RGS17: variants seen among roughly 807,000 people sequenced by gnomAD.
The protein encoded by RGS17 is regulator of G protein signaling 17, also known as regulator of G-protein signaling 17.
RGS17 carries 12 observed loss-of-function variants against 25.5 expected under a neutral mutation model. The ratio of observed to expected loss-of-function variants is 0.47; its 90% confidence interval spans 0.30 to 0.76. RGS17 has a LOEUF of 0.76. RGS17 is among the 30% of genes least tolerant of loss of function. The probability of loss-of-function intolerance (pLI) is 0.07; values close to 1 mark genes in which losing one functional copy is unlikely to be tolerated. For synonymous variants in RGS17, 71 were observed against 76.9 expected (o/e 0.92, Z 0.40); for missense variants, 196 against 242.2 (o/e 0.81, Z 1.27).
intron 1 of RGS17, among the ~76,000 whole-genome samples, chr6:153,098,085 T>G (rs1206612326): frequency 6.6e-6 from 1 of 152,180 alleles, no homozygotes; most frequent in African/African-American, 2.4e-5. Flanking sequence ...GTCAGGTTTC[T>G]TAGATCGAGA....
At chr6:153,122,493 A>T (rs1001531404) in intron 1 of RGS17, among the ~76,000 whole-genome samples, 2 of 152,168 alleles carry the variant, frequency 1.3e-5, no homozygotes, top group Non-Finnish European at 2.9e-5. Context: ...AATTGAAGTT[A>T]CTGGACTTGA....
chr6:153,086,267 T>C (rs769218136), intron 1 of RGS17, among the ~76,000 whole-genome samples: 15 of 152,198 alleles, frequency 9.9e-5, no homozygotes, highest in Non-Finnish European at 2.1e-4. Flanking sequence ...TTTGATGTAG[T>C]GGTTTTAGAA....
At chr6:153,035,132 T>G (rs10872694) in intron 2 of RGS17, among the ~76,000 whole-genome samples, 31,689 of 144,530 alleles carry the variant, frequency 0.22, 3,689 homozygotes, top group Non-Finnish European at 0.27. Flanking sequence ...GCAGCCTGGG[T>G]GACAGAGCAA....
chr6:153,008,887 G>A lies in RGS17; in HGVS notation c.*2687C>T, dbSNP rs1032780190. The stretch of plus-strand genomic sequence containing the variant: ...GAATTATATCATACTTAGAAAATTA[G>A]TAGAGTTGCAAATATACAGACATAC... On this transcript the variant is annotated 3_prime_UTR_variant, in exon 5 of 5. Coordinates refer to ENST00000206262, the MANE Select transcript of RGS17 (RefSeq NM_012419.5). The A allele has an allele frequency of 2.6e-5, 4 of 152,086 alleles. No homozygotes were observed. The highest frequency in any genetic ancestry group is 2.0e-4 in the Admixed American group (3 of 15,254). 9.4% of individuals were successfully genotyped at this position (152,086 alleles called of 1,614,324 possible).
intron 1 of RGS17, among the ~76,000 whole-genome samples, chr6:153,126,288 A>G (rs1777701875): frequency 6.6e-6 from 1 of 152,130 alleles, no homozygotes; most frequent in Admixed American, 6.5e-5. Flanking sequence ...CTATCTGGGA[A>G]CTCTTCAGAC....
At chr6:153,014,797 CAAA>C (rs34132794) in intron 4 of RGS17, among the ~76,000 whole-genome samples, 9 of 97,148 alleles carry the variant, frequency 9.3e-5, no homozygotes, top group Non-Finnish European at 1.1e-4. Context: ...GACTCCGTCT[CAAA>C]AAAAAAAAAA....
At chr6:153,015,911 C>T (rs1275625971) in intron 4 of RGS17, among the ~76,000 whole-genome samples, 2 of 152,134 alleles carry the variant, frequency 1.3e-5, no homozygotes, top group East Asian at 3.9e-4. Flanking sequence ...CCTCGGCCTC[C>T]CAAAGTGCTG....
rs185640840 is a variant in RGS17, at chr6:153,021,832, T to C, written c.444+2430A>G. On this transcript the variant is annotated intron_variant, in intron 4 of 4. Coordinates refer to ENST00000206262, the MANE Select transcript of RGS17 (RefSeq NM_012419.5). Reference sequence around the variant, plus strand: ...TTACGACACTAAACATTAGTGTATGTCATTCTGGAAAGGTCATGTTCTTGA... The same window carrying C: ...TTACGACACTAAACATTAGTGTATGCCATTCTGGAAAGGTCATGTTCTTGA... Among the ~76,000 whole-genome samples, 215 of 152,256 alleles carry C rather than the reference T, an allele frequency of 1.4e-3. 1 individual carries two copies. In the Middle Eastern group the frequency reaches 0.017, roughly 12 times the overall value.
intron 1 of RGS17, among the ~76,000 whole-genome samples, chr6:153,066,947 G>A (rs1430752435): frequency 1.3e-5 from 2 of 152,104 alleles, no homozygotes; most frequent in Admixed American, 1.3e-4. Flanking sequence ...GGCTGAGGCA[G>A]GAGAATGGCG....
At chr6:153,019,102 T>C (rs1199121592) in intron 4 of RGS17, among the ~76,000 whole-genome samples, 1 of 152,234 alleles carries the variant, frequency 6.6e-6, no homozygotes, top group Non-Finnish European at 1.5e-5. Context: ...TCCCCAGAGC[T>C]TGAACATCAC....
chr6:153,040,357 G>A (rs1776306237), intron 2 of RGS17, among the ~76,000 whole-genome samples: 2 of 152,058 alleles, frequency 1.3e-5, no homozygotes, highest in Admixed American at 1.3e-4. Context: ...ATAAAGACAG[G>A]AATCTATTTA....
chr6:153,016,783 C>T (rs1779189377), intron 4 of RGS17, among the ~76,000 whole-genome samples: 1 of 152,138 alleles, frequency 6.6e-6, no homozygotes, highest in Non-Finnish European at 1.5e-5. Context: ...AGGATAAACC[C>T]CATGGGGATA....
At chr6:153,040,382 G>C (rs1776306532) in intron 2 of RGS17, among the ~76,000 whole-genome samples, 1 of 152,022 alleles carries the variant, frequency 6.6e-6, no homozygotes, top group South Asian at 2.1e-4. Flanking sequence ...TGAGAGAAGA[G>C]CTGACAATGA....
chr6:153,127,134 G>C (rs534639021), intron 1 of RGS17, among the ~76,000 whole-genome samples: 1 of 152,116 alleles, frequency 6.6e-6, no homozygotes. Context: ...TAGGGGTCAC[G>C]CTCCTATGAG....
intron 1 of RGS17, among the ~76,000 whole-genome samples, chr6:153,122,728 C>T (rs1436414181): frequency 6.6e-6 from 1 of 151,982 alleles, no homozygotes; most frequent in Non-Finnish European, 1.5e-5. Context: ...CCTAAAATTA[C>T]ATAAAATATG....
intron 3 of RGS17, among the ~76,000 whole-genome samples, chr6:153,025,445 T>A (rs1779289489): frequency 1.3e-5 from 2 of 151,856 alleles, no homozygotes; most frequent in Admixed American, 1.3e-4. Context: ...TATATACAGA[T>A]CTTTTAGTGA....
intron 2 of RGS17, among the ~76,000 whole-genome samples, chr6:153,042,218 T>C (rs1232375522): frequency 6.6e-6 from 1 of 152,178 alleles, no homozygotes; most frequent in African/African-American, 2.4e-5. Context: ...GTTTCCTCCA[T>C]CTTAAATTAT....
chr6:153,034,975 C>A lies in RGS17; in HGVS notation c.120-8432G>T, dbSNP rs1399894528. Among the ~76,000 whole-genome samples, 3 of 147,956 alleles carry A rather than the reference C, an allele frequency of 2.0e-5. No individual in the cohort carries two copies. The South Asian group carries it at 6.4e-4, about 31-fold the overall frequency. On this transcript the variant is annotated intron_variant, in intron 2 of 4. Transcript: ENST00000206262. ...GACTAGCCTGGCCAACATGGTGAAA[C>A]CCTGTCTCCACTAAAAATACAAAAA... is the stretch of plus-strand genomic sequence containing the variant.
At chr6:153,091,619 TCTC>T (rs1373279948) in intron 1 of RGS17, among the ~76,000 whole-genome samples, 1 of 152,040 alleles carries the variant, frequency 6.6e-6, no homozygotes, top group African/African-American at 2.4e-5. Context: ...TTCAAGCAAT[TCTC>T]CTGCCTCAGC....
Sources: allele counts gnomAD v4.1 joint callset (sites outside exome capture counted in the v4.1 genomes callset), GRCh38; gene constraint gnomAD v4.1.1; transcripts MANE v1.5; gene names NCBI Gene and HGNC (gene_info 2026-07-23, HGNC 2026-07-21).